The following TCERG1L variants were observed in gnomAD, a reference collection of about 807,000 sequenced individuals.
The protein encoded by TCERG1L is transcription elongation regulator 1 like.
Under a neutral mutation model 56.3 loss-of-function variants are expected in TCERG1L, and 37 were observed. The ratio of observed to expected loss-of-function variants is 0.66; its 90% CI spans 0.51 to 0.87. The LOEUF (loss-of-function observed/expected upper bound fraction) is 0.87, where lower values mean the gene tolerates loss of function less well. Ranked by LOEUF, TCERG1L falls within the 40% of genes least tolerant of loss-of-function variation. The probability of loss-of-function intolerance (pLI) is 0.00; values close to 1 mark genes in which losing one functional copy is unlikely to be tolerated. For synonymous variants in TCERG1L, 324 were observed against 326.3 expected (o/e 0.99, Z 0.08); for missense variants, 799 against 774.2 (o/e 1.03, Z -0.38).
At chr10:131,117,860 G>C (rs967699583) in intron 8 of TCERG1L, among the ~76,000 whole-genome samples, 4 of 152,182 alleles carry the variant, frequency 2.6e-5, no homozygotes, top group African/African-American at 9.7e-5. Flanking sequence ...ATATCCTTTT[G>C]AAAAAACGAA....
Position 131,103,419 on chromosome 10 carries a change from G to A in TCERG1L, c.1485+846C>T, listed in dbSNP as rs868008401. ...TATAAGGTTGTGATGAGCCAGGTGC[G>A]GTGGCTCACGCCTGTAATCCCAACA... On this transcript the variant is annotated intron_variant, in intron 10 of 11. Coordinates refer to ENST00000368642, the MANE Select transcript of TCERG1L (RefSeq NM_174937.4). This position sits in a 1 kb window ranked among gnomAD's most constrained non-coding sequence, Gnocchi z 4.3. 4.5e-4 allele frequency among the ~76,000 whole-genome samples: 69 copies of A among 152,142 alleles called. No individual in the cohort carries two copies. The highest frequency in any genetic ancestry group is 6.3e-3 in the Middle Eastern group (2 of 316).
intron 3 of TCERG1L, among the ~76,000 whole-genome samples, chr10:131,274,919 G>T (rs1846377137): frequency 6.6e-6 from 1 of 152,226 alleles, no homozygotes. Context: ...GAGTCAGGCA[G>T]GCTCGAGATC....
chr10:131,101,668 T>A (rs997540156), intron 10 of TCERG1L, among the ~76,000 whole-genome samples: 1 of 152,260 alleles, frequency 6.6e-6, no homozygotes. Flanking sequence ...TCACATAAAA[T>A]CACAGGCTCC....
intron 3 of TCERG1L, among the ~76,000 whole-genome samples, chr10:131,283,813 G>A (rs61484726): frequency 0.074 from 11,308 of 152,130 alleles, 533 homozygotes; most frequent in African/African-American, 0.12. Context: ...CTTAGAATGA[G>A]CATACAGAGC....
At position 131,267,376 on chromosome 10, in the gene TCERG1L, C is replaced by G. The variant is rs560097465; in HGVS notation, c.671-6932G>C. 8.5e-4 allele frequency among the ~76,000 whole-genome samples: 130 copies of G among 152,316 alleles called. No individual in the cohort carries two copies. The highest frequency in any genetic ancestry group is 3.0e-3 in the African/African-American group (125 of 41,590). The stretch of plus-strand genomic sequence containing the variant: ...GCCAGGCAGCAGGAGCAGATACCCC[C>G]AAGCCTAAGCCCTGAGAGCATCGGG... On this transcript the variant is annotated intron_variant, in intron 3 of 11. Transcript: ENST00000368642. This position sits in a 1 kb window ranked among gnomAD's most constrained non-coding sequence, Gnocchi z 4.9.
intron 9 of TCERG1L, among the ~76,000 whole-genome samples, chr10:131,113,843 C>T (rs1329171259): frequency 7.0e-6 from 1 of 142,242 alleles, no homozygotes; most frequent in Admixed American, 6.9e-5. Context: ...AGATACTTTA[C>T]AGAAGGAAAA....
rs182124895 is a variant in TCERG1L at position 131,174,031 on chromosome 10, G to A, written c.857-7146C>T. 2.2e-3 allele frequency among the ~76,000 whole-genome samples: 342 copies of A among 152,322 alleles called. 5 individuals carry two copies. Among genetic ancestry groups the A allele is most frequent in the East Asian group, 1.5e-3 (8 of 5,164 alleles). On this transcript the variant is annotated intron_variant, in intron 4 of 11. Transcript: ENST00000368642. ...GCTTTTGACTGCTACCGGAGGGGATGGAGTCGGAGTGGCAGGTGCTCCCTA... is the reference window on the plus strand; with the variant it reads ...GCTTTTGACTGCTACCGGAGGGGATAGAGTCGGAGTGGCAGGTGCTCCCTA...
At chr10:131,120,575 A>G (rs1437589741) in intron 8 of TCERG1L, among the ~76,000 whole-genome samples, 1 of 152,234 alleles carries the variant, frequency 6.6e-6, no homozygotes, top group Non-Finnish European at 1.5e-5. Context: ...TGTGATATTC[A>G]GTTTCCCCAG....
chr10:131,212,542 T>G (rs1365294303), intron 4 of TCERG1L, among the ~76,000 whole-genome samples: 1 of 152,154 alleles, frequency 6.6e-6, no homozygotes, highest in Non-Finnish European at 1.5e-5. Flanking sequence ...TAATTAAAAG[T>G]GGAATGGTAA....
chr10:131,144,082 G>A (rs1845769241), intron 7 of TCERG1L, among the ~76,000 whole-genome samples: 3 of 151,926 alleles, frequency 2.0e-5, no homozygotes, highest in Admixed American at 2.0e-4. Flanking sequence ...AGGCACACAC[G>A]CTCACACATA....
At chr10:131,148,604 G>A (rs984777677) in intron 6 of TCERG1L, among the ~76,000 whole-genome samples, 7 of 150,434 alleles carry the variant, frequency 4.7e-5, no homozygotes, top group African/African-American at 9.8e-5. Flanking sequence ...ACATGCACAC[G>A]TAGACACACA....
intron 3 of TCERG1L, among the ~76,000 whole-genome samples, chr10:131,270,274 G>A (rs988620664): frequency 6.6e-6 from 1 of 152,230 alleles, no homozygotes; most frequent in African/African-American, 2.4e-5. Context: ...AGAGCCTGGG[G>A]ACGCTAGCTG....
chr10:131,306,119 A>T (rs1231752229), intron 3 of TCERG1L, among the ~76,000 whole-genome samples: 1 of 152,124 alleles, frequency 6.6e-6, no homozygotes, highest in Non-Finnish European at 1.5e-5. Context: ...TACCCTACCT[A>T]CCACCTTCAC....
intron 3 of TCERG1L, among the ~76,000 whole-genome samples, chr10:131,284,184 T>G (rs1280729738): frequency 6.7e-6 from 1 of 150,286 alleles, no homozygotes; most frequent in African/African-American, 2.4e-5. Context: ...AAAACAAATC[T>G]CCACACATTT....
chr10:131,180,037 G>A (rs981612607), intron 4 of TCERG1L, among the ~76,000 whole-genome samples: 3 of 152,178 alleles, frequency 2.0e-5, no homozygotes, highest in Admixed American at 6.5e-5. Flanking sequence ...GAGGGAGGTC[G>A]GGAGAAAGAC....
At chr10:131,166,739 T>C (rs1425307675) in intron 5 of TCERG1L, 58 bp downstream of exon 5, 1 of 1,549,216 alleles carries the variant, frequency 6.5e-7, no homozygotes, top group Non-Finnish European at 8.9e-7. Flanking sequence ...GTCCTGGCCC[T>C]GGTCCTCCAC....
intron 4 of TCERG1L, among the ~76,000 whole-genome samples, chr10:131,222,662 G>A (rs1845746579): frequency 6.6e-6 from 1 of 152,210 alleles, no homozygotes; most frequent in Non-Finnish European, 1.5e-5. Flanking sequence ...GTATGGCCGA[G>A]CCTTTCGGGA....
intron 3 of TCERG1L, among the ~76,000 whole-genome samples, chr10:131,269,434 G>A (rs1289057491): frequency 2.0e-5 from 3 of 152,138 alleles, no homozygotes; most frequent in Non-Finnish European, 2.9e-5. Context: ...TGATCTGCCC[G>A]TCTCAACCTC....
At chr10:131,127,116 A>G (rs954557916) in intron 8 of TCERG1L, among the ~76,000 whole-genome samples, 1 of 152,206 alleles carries the variant, frequency 6.6e-6, no homozygotes, top group Non-Finnish European at 1.5e-5. Context: ...TCTAAGATTT[A>G]AAACAAAAAC....
Sources: gnomAD v4.1 joint callset for allele counts (sites outside exome capture counted in the v4.1 genomes callset) on GRCh38, gnomAD v4.1.1 for gene constraint, Gnocchi (gnomAD v3.1) non-coding constraint, MANE v1.5 for transcripts, NCBI Gene and HGNC (gene_info 2026-07-23, HGNC 2026-07-21) for gene names.